Variants in TRPM3 observed in about 807,000 individuals in gnomAD.
TRPM3 encodes the protein long transient receptor potential channel 3.
Under a neutral mutation model 181.2 loss-of-function variants are expected in TRPM3, and 77 were observed. The ratio of observed to expected loss-of-function variants is 0.42; its 90% CI spans 0.35 to 0.51. TRPM3 has a LOEUF of 0.51. Among genes scored for constraint, TRPM3 ranks in the 20% least tolerant of loss-of-function variants. The pLI is 0.01. For missense variants in TRPM3, 1,759 were observed against 2,196.7 expected (o/e 0.80, Z 3.98); for synonymous variants, 745 against 796.4 (o/e 0.94, Z 1.09).
intron 1 of TRPM3, among the ~76,000 whole-genome samples, chr9:71,047,810 T>TCACA (rs56653631): frequency 0.016 from 2,291 of 141,548 alleles, 35 homozygotes; most frequent in East Asian, 0.032. Flanking sequence ...ACTGGCTGCA[T>TCACA]CACACACACA....
rs377473386 is a variant in TRPM3, at chr9:71,134,402, A to G, written c.184-269891T>C. On this transcript the variant is annotated intron_variant, in intron 1 of 24. Coordinates refer to the TRPM3 transcript ENST00000357533. ...CCCCATCTCTACTAAAAATACAAAA[A>G]TTAGCTGGGTGTGATGGTGTGCACC... Among the ~76,000 whole-genome samples, 21 of 152,102 alleles carry G rather than the reference A, an allele frequency of 1.4e-4. 1 individual carries two copies. In the East Asian group the frequency reaches 4.1e-3, roughly 30 times the overall value.
At chr9:71,102,148 TA>T (rs2068516483) in intron 1 of TRPM3, among the ~76,000 whole-genome samples, 1 of 152,154 alleles carries the variant, frequency 6.6e-6, no homozygotes, top group South Asian at 2.1e-4. Context: ...TGGTAGAAAA[TA>T]AAATGTGTTC....
intron 1 of TRPM3, among the ~76,000 whole-genome samples, chr9:71,184,872 A>T (rs1328658260): frequency 1.3e-5 from 2 of 152,158 alleles, no homozygotes; most frequent in African/African-American, 4.8e-5. Flanking sequence ...TGTGTAACTG[A>T]TAAAGATGTT....
chr9:70,797,079 G>C (rs2087282222), intron 6 of TRPM3, among the ~76,000 whole-genome samples: 2 of 152,184 alleles, frequency 1.3e-5, no homozygotes, highest in East Asian at 3.8e-4. Flanking sequence ...GAAGTGAGCT[G>C]TGATTGTGCC....
intron 1 of TRPM3, among the ~76,000 whole-genome samples, chr9:71,358,600 C>A (rs2092007881): frequency 6.6e-6 from 1 of 152,072 alleles, no homozygotes. Context: ...AGCCCTCTAA[C>A]AAGATATTTC....
chr9:70,545,321 C>T (rs547001117), intron 25 of TRPM3, among the ~76,000 whole-genome samples: 84 of 152,216 alleles, frequency 5.5e-4, no homozygotes, highest in Non-Finnish European at 1.1e-3. Context: ...TCTAACAACA[C>T]AGGGAATTGA....
chr9:71,109,640 G>A (rs1394692916), intron 1 of TRPM3, among the ~76,000 whole-genome samples: 5 of 151,950 alleles, frequency 3.3e-5, no homozygotes, highest in African/African-American at 1.2e-4. Context: ...TCTTTTTGTA[G>A]TCAAGTACCT....
In TRPM3 at chr9:71,331,756, G is replaced by A. The variant is rs550795233; in HGVS notation, c.183+114897C>T. Among the ~76,000 whole-genome samples the A allele has an allele frequency of 1.1e-3, 94 of 88,936 alleles. 1 individual carries two copies. The highest frequency in any genetic ancestry group is 1.9e-3 in the Non-Finnish European group (84 of 44,988). 58.3% of individuals were successfully genotyped at this position (88,936 alleles called of 152,430 possible). Reference sequence around the variant, plus strand: ...AGAAAAAGGAGGAGGAGGAAAAGGGGGAGAAAAAGGAGAAGGGGAAGAGGA... The same window carrying A: ...AGAAAAAGGAGGAGGAGGAAAAGGGAGAGAAAAAGGAGAAGGGGAAGAGGA... On this transcript the variant is annotated intron_variant, in intron 1 of 24. Coordinates refer to the TRPM3 transcript ENST00000357533.
intron 1 of TRPM3, among the ~76,000 whole-genome samples, chr9:71,038,462 T>C (rs1590879205): frequency 6.6e-6 from 1 of 152,290 alleles, no homozygotes; most frequent in East Asian, 1.9e-4. Context: ...ATGTTTTGTT[T>C]CTTCCCTCTC....
intron 6 of TRPM3, among the ~76,000 whole-genome samples, chr9:70,818,131 T>C (rs1261894554): frequency 1.3e-5 from 2 of 152,208 alleles, no homozygotes; most frequent in Non-Finnish European, 2.9e-5. Flanking sequence ...TGACAAATTG[T>C]CTTCATCATT....
chr9:70,746,028 T>C (rs570913664), intron 8 of TRPM3, among the ~76,000 whole-genome samples: 30 of 152,310 alleles, frequency 2.0e-4, no homozygotes, highest in African/African-American at 6.7e-4. Context: ...AGCCACACAC[T>C]GTGCCAACAT....
At chr9:71,309,998 G>GT (rs1486164751) in intron 1 of TRPM3, among the ~76,000 whole-genome samples, 1 of 152,026 alleles carries the variant, frequency 6.6e-6, no homozygotes, top group African/African-American at 2.4e-5. Context: ...AATGAAACAG[G>GT]TGTAACATAT....
At chr9:71,322,956 C>A (rs1465939238) in intron 1 of TRPM3, among the ~76,000 whole-genome samples, 1 of 152,078 alleles carries the variant, frequency 6.6e-6, no homozygotes, top group East Asian at 1.9e-4. Flanking sequence ...GTCAAAAGAT[C>A]AGCCACTTTC....
intron 1 of TRPM3, among the ~76,000 whole-genome samples, chr9:71,215,033 C>CAAAAAACAAAAA (rs2079758038): frequency 3.8e-5 from 4 of 105,806 alleles, no homozygotes; most frequent in African/African-American, 8.0e-5. Context: ...CACCAAAAAA[C>CAAAAAACAAAAA]AAAAAAAAAA....
In TRPM3 at chr9:71,163,740, C is replaced by A. The variant is rs559350866; in HGVS notation, c.183+282913G>T. Among the ~76,000 whole-genome samples, 10 of 152,086 alleles carry A rather than the reference C, an allele frequency of 6.6e-5. No individual in the cohort carries two copies. In the South Asian group the frequency reaches 2.1e-3, roughly 32 times the overall value. On this transcript the variant is annotated intron_variant, in intron 1 of 24. Coordinates refer to the TRPM3 transcript ENST00000357533. ...TCAAAGACTGAGTCCTGGAGAAAGA[C>A]CCTACTATTAAAGGAGTGGGTAGCT...
intron 19 of TRPM3, among the ~76,000 whole-genome samples, chr9:70,607,391 G>A (rs927639060): frequency 6.6e-6 from 1 of 152,112 alleles, no homozygotes. Flanking sequence ...TCACTTCCTC[G>A]AGGCCTGGGC....
Position 70,828,036 on chromosome 9 carries a change from G to A in TRPM3, c.802-18C>T. On this transcript the variant is annotated intron_variant, in intron 5 of 25. Coordinates refer to ENST00000677713, the MANE Select transcript of TRPM3 (RefSeq NM_001366145.2). ...CGGACAACCTGCAGGGTATCAAATGGAAGAGGCAGAAGTCAGAAAAAAAGA... is the reference window on the plus strand; with the variant it reads ...CGGACAACCTGCAGGGTATCAAATGAAAGAGGCAGAAGTCAGAAAAAAAGA... The A allele has an allele frequency of 6.3e-7, 1 of 1,595,994 alleles. No individual in the cohort carries two copies. The highest frequency in any genetic ancestry group is 1.1e-5 in the South Asian group (1 of 89,430).
chr9:70,910,426 T>G (rs2133137262), intron 1 of TRPM3, among the ~76,000 whole-genome samples: 1 of 152,290 alleles, frequency 6.6e-6, no homozygotes, highest in Middle Eastern at 3.4e-3. Context: ...GAGTAGGATA[T>G]TTAAGGTGCT....
chr9:70,582,203 T>TG (rs2056023794), intron 22 of TRPM3, among the ~76,000 whole-genome samples: 1 of 152,078 alleles, frequency 6.6e-6, no homozygotes, highest in Non-Finnish European at 1.5e-5. Flanking sequence ...TGTGTGTGTG[T>TG]GTGTGTGTCA....
Sources: gnomAD v4.1 joint callset for allele counts (sites outside exome capture counted in the v4.1 genomes callset) on GRCh38, gnomAD v4.1.1 for gene constraint, MANE v1.5 for transcripts, NCBI Gene and HGNC (gene_info 2026-07-23, HGNC 2026-07-21) for gene names.